NTN4: variants seen among roughly 807,000 people sequenced by gnomAD.
The protein encoded by NTN4 is netrin 4, also known as netrin-4.
NTN4 carries 32 observed loss-of-function variants against 73.6 expected under a neutral mutation model. That is an observed-to-expected ratio of 0.44 (90% confidence interval 0.33 to 0.58). NTN4 has a LOEUF of 0.58. Ranked by LOEUF, NTN4 falls within the 20% of genes least tolerant of loss-of-function variation. The pLI, the probability that NTN4 is intolerant of heterozygous loss-of-function variation, is 0.04. For missense variants in NTN4, 654 were observed against 798.3 expected (o/e 0.82, Z 2.18); for synonymous variants, 258 against 287.5 (o/e 0.90, Z 1.04).
chr12:95,667,903 AT>A (rs1565877255), intron 8 of NTN4, among the ~76,000 whole-genome samples: 1 of 149,256 alleles, frequency 6.7e-6, no homozygotes, highest in Non-Finnish European at 1.5e-5. Context: ...AAACAAATAA[AT>A]AAAGTGAACC....
intron 5 of NTN4, among the ~76,000 whole-genome samples, chr12:95,691,965 T>TA (rs2078404818): frequency 2.6e-5 from 4 of 152,166 alleles, no homozygotes; most frequent in Admixed American, 2.0e-4. Flanking sequence ...ACAAAATTAT[T>TA]AAAAATGTCA....
intron 5 of NTN4, among the ~76,000 whole-genome samples, chr12:95,688,730 G>A (rs562134750): frequency 6.6e-6 from 1 of 151,214 alleles, no homozygotes; most frequent in Non-Finnish European, 1.5e-5. Flanking sequence ...GCAGTTGGAG[G>A]AGCAATAACT....
chr12:95,769,096 G>A (rs1329806880), intron 2 of NTN4, among the ~76,000 whole-genome samples: 1 of 152,142 alleles, frequency 6.6e-6, no homozygotes, highest in African/African-American at 2.4e-5. Flanking sequence ...AGAGCGGAAG[G>A]GAAGAAGAAC....
At chr12:95,771,624 G>A (rs2079060057) in intron 2 of NTN4, among the ~76,000 whole-genome samples, 1 of 152,018 alleles carries the variant, frequency 6.6e-6, no homozygotes, top group Middle Eastern at 3.2e-3. Context: ...TGATAGTCCA[G>A]GGGCATTCCA....
chr12:95,701,617 C>T (rs1033409512), intron 5 of NTN4, among the ~76,000 whole-genome samples: 1 of 152,138 alleles, frequency 6.6e-6, no homozygotes, highest in Admixed American at 6.5e-5. Context: ...TAATTGCTCA[C>T]AAGAAATAAA....
chr12:95,683,507 C>G lies in NTN4; in HGVS notation c.1385G>C (p.Cys462Ser), dbSNP rs2078335309. Residue 462 changes from cysteine to serine, a missense_variant, in exon 6 of 10, where the codon TGC becomes TCC. Transcript: ENST00000343702. ...AGCCTTGCACATTCACCTGCTGATG[C>G]AGTCTCCGGTGATAGGGTCACAGCT... ...AGSCDPITGD[C>S]ISSHTDIDWY... 3 of 1,613,686 alleles carry G rather than the reference C, an allele frequency of 1.9e-6. No homozygotes were observed. Among genetic ancestry groups the G allele is most frequent in the African/African-American group, 1.3e-5 (1 of 74,922 alleles).
rs189396384 is a variant in NTN4, at chr12:95,708,358, G to T, written c.1180+2083C>A. ...GCTGGAGTGCAGTGGCATGATCTCGGCTCACTGCAAGCTCCGCATCCCGGG... is the reference window on the plus strand; with the variant it reads ...GCTGGAGTGCAGTGGCATGATCTCGTCTCACTGCAAGCTCCGCATCCCGGG... On this transcript the variant is annotated intron_variant, in intron 5 of 9. Coordinates refer to ENST00000343702, the MANE Select transcript of NTN4 (RefSeq NM_021229.4). Among the ~76,000 whole-genome samples the T allele has an allele frequency of 1.3e-4, 19 of 151,192 alleles. 1 individual carries two copies. The highest frequency in any genetic ancestry group is 8.6e-4 in the Admixed American group (13 of 15,162).
chr12:95,742,749 G>A (rs1412484777), intron 2 of NTN4, among the ~76,000 whole-genome samples: 1 of 152,192 alleles, frequency 6.6e-6, no homozygotes, highest in East Asian at 1.9e-4. Flanking sequence ...TGCTCAGAGG[G>A]CAGGGATCCT....
chr12:95,735,255 T>G (rs2078767591), intron 3 of NTN4, among the ~76,000 whole-genome samples: 1 of 152,118 alleles, frequency 6.6e-6, no homozygotes, highest in African/African-American at 2.4e-5. Flanking sequence ...TTTTCTTTTT[T>G]CTAAAGAGAA....
At chr12:95,760,734 GA>G (rs1213218957) in intron 2 of NTN4, among the ~76,000 whole-genome samples, 1 of 148,730 alleles carries the variant, frequency 6.7e-6, no homozygotes, top group East Asian at 2.0e-4. Context: ...GGGGAAAGAA[GA>G]GGGGGGCAGT....
chr12:95,672,451 T>A (rs1291011683), intron 7 of NTN4: 1 of 1,464,096 alleles, frequency 6.8e-7, no homozygotes, highest in Non-Finnish European at 9.6e-7. Context: ...AGATGTTGGC[T>A]ATGAGTTTGA....
At chr12:95,666,099 AT>A in intron 8 of NTN4, 119 bp from the exon 9 acceptor site, 3 of 789,328 alleles carry the variant, frequency 3.8e-6, no homozygotes, top group Non-Finnish European at 5.7e-6. Context: ...GGATGTGAAA[AT>A]TTGCTTTAAA....
intron 2 of NTN4, among the ~76,000 whole-genome samples, chr12:95,752,422 T>G (rs1592704484): frequency 2.0e-5 from 3 of 150,986 alleles, no homozygotes; most frequent in African/African-American, 2.4e-5. Context: ...AAACATGCTT[T>G]CTTTACTATT....
intron 2 of NTN4, among the ~76,000 whole-genome samples, chr12:95,745,237 T>G (rs2078853777): frequency 6.6e-6 from 1 of 152,154 alleles, no homozygotes; most frequent in Non-Finnish European, 1.5e-5. Context: ...TCTTAAAAAT[T>G]TTTGTTCCCC....
In NTN4 at chr12:95,673,867, C is replaced by T. The variant is rs527605271; in HGVS notation, c.1511-3721G>A. On this transcript the variant is annotated intron_variant, in intron 7 of 9. Transcript: ENST00000343702. ...GCCTCTTGGTCCTGTCCAAGTGTGT[C>T]TTTCACTGACTGATTTCTGAATCAT... 2.0e-5 allele frequency: 3 copies of T among 152,334 alleles called. No homozygotes were observed. The South Asian group carries it at 6.2e-4, about 32-fold the overall frequency. 9.4% of individuals were successfully genotyped at this position (152,334 alleles called of 1,614,324 possible). A position where few individuals can be genotyped will look rare whatever the true frequency, so the allele number is the denominator to read the frequency against.
intron 2 of NTN4, among the ~76,000 whole-genome samples, chr12:95,770,691 A>G (rs2079050818): frequency 1.3e-5 from 2 of 152,250 alleles, no homozygotes. Context: ...TTCTCTCTTC[A>G]ATTCAACTTT....
At chr12:95,663,441 C>T (rs2078153943) in intron 9 of NTN4, 1 of 152,158 alleles carries the variant, frequency 6.6e-6, no homozygotes, top group African/African-American at 2.4e-5. Context: ...AAAGAAGATA[C>T]AATACTTTAG....
At chr12:95,741,973 AC>A (rs898225881) in intron 2 of NTN4, among the ~76,000 whole-genome samples, 1 of 151,922 alleles carries the variant, frequency 6.6e-6, no homozygotes, top group Non-Finnish European at 1.5e-5. Flanking sequence ...TGAATCATGG[AC>A]CCCTTCCTAC....
chr12:95,751,000 T>C (rs1298555044), intron 2 of NTN4, among the ~76,000 whole-genome samples: 3 of 152,332 alleles, frequency 2.0e-5, no homozygotes, highest in Non-Finnish European at 2.9e-5. Flanking sequence ...GCATTTAGGC[T>C]CTTTTTCATC....
Sources: gnomAD v4.1 joint callset for allele counts (sites outside exome capture counted in the v4.1 genomes callset) on GRCh38, gnomAD v4.1.1 for gene constraint, MANE v1.5 for transcripts, NCBI Gene and HGNC (gene_info 2026-07-23, HGNC 2026-07-21) for gene names.